Variants in SPAG8 observed in about 807,000 individuals in gnomAD.
SPAG8 encodes sperm-associated antigen 8.
Under a neutral mutation model 45.3 loss-of-function variants are expected in SPAG8, and 36 were observed. That is an observed-to-expected ratio of 0.80 (90% CI 0.61 to 1.05). SPAG8 has a LOEUF of 1.05. Among genes scored for constraint, SPAG8 ranks in the 50% least tolerant of loss-of-function variants. SPAG8 has a pLI of 0.00. For missense variants in SPAG8, 573 were observed against 609.2 expected (o/e 0.94, Z 0.63); for synonymous variants, 227 against 232.6 (o/e 0.98, Z 0.22).
At position 35,812,021 on chromosome 9, in the gene SPAG8, A is replaced by G; in HGVS notation, c.45-20T>C. On this transcript the variant is annotated intron_variant, in intron 1 of 6. Coordinates refer to ENST00000396638, the MANE Select transcript of SPAG8 (RefSeq NM_001039592.2). ...AAAGATCTGAAAGAAAGCAAACACG[A>G]CATGGCTGTCAAAAGCGCAGCAGAG... is the stretch of plus-strand genomic sequence containing the variant. 1 of 1,608,414 alleles carries G rather than the reference A, an allele frequency of 6.2e-7. No individual in the cohort carries two copies. Among genetic ancestry groups the G allele is most frequent in the East Asian group, 2.2e-5 (1 of 44,838 alleles).
Position 35,810,999 on chromosome 9 carries a change from A to G in SPAG8, c.923T>C (p.Phe308Ser). ...PSMQDGSESF[F>S]FRHGHRGLLT... ...CAGTCCCCGGTGTCCGTGTCGGAAG[A>G]AAAAACTCTCAGAGCCATCCTGCAT... Residue 308 changes from phenylalanine (F) to serine (S), a missense_variant, in exon 3 of 7, where the codon TTC becomes TCC. Coordinates refer to ENST00000396638, the MANE Select transcript of SPAG8 (RefSeq NM_001039592.2). The G allele has an allele frequency of 6.2e-7, 1 of 1,614,066 alleles. No homozygotes were observed. The highest frequency in any genetic ancestry group is 8.5e-7 in the Non-Finnish European group (1 of 1,180,016).
chr9:35,811,419 G>A lies in SPAG8; in HGVS notation c.627C>T (p.Leu209=). 6.2e-7 allele frequency: 1 copy of A among 1,614,198 alleles called. No homozygotes were observed. Among genetic ancestry groups the A allele is most frequent in the South Asian group, 1.1e-5 (1 of 91,084 alleles). ...TGAACCCTGGAGGAATACAGGGGCTGAGCTCAGAGTCAGGGCCAGTGTCTG... is the reference window on the plus strand; with the variant it reads ...TGAACCCTGGAGGAATACAGGGGCTAAGCTCAGAGTCAGGGCCAGTGTCTG... The part of the protein sequence containing the change: ...PGPDTGPDSE[L]SPCIPPGFRN... The change falls in exon 2 of 7, where the codon CTC becomes CTT. Residue 209 remains leucine (L), a synonymous_variant. Coordinates refer to ENST00000396638, the MANE Select transcript of SPAG8 (RefSeq NM_001039592.2).
intron 3 of SPAG8, 67 bp downstream of exon 3, chr9:35,810,816 G>T: frequency 6.3e-7 from 1 of 1,593,396 alleles, no homozygotes; most frequent in Non-Finnish European, 8.6e-7. Context: ...AGCCCCACCA[G>T]AAATTCCTTC....
Position 35,810,303 on chromosome 9 carries a change from C to A in SPAG8, c.1207G>T (p.Asp403Tyr). The A allele has an allele frequency of 6.2e-6, 10 of 1,614,138 alleles. No individual in the cohort carries two copies. The highest frequency in any genetic ancestry group is 8.5e-6 in the Non-Finnish European group (10 of 1,179,994). ...GTCTCAGGTTGCTCCTGGCGGTAGT[C>A]GTGAGGCTGTGAGGGAGGGTACTGA... is the stretch of plus-strand genomic sequence containing the variant. Reference protein sequence around the residue: ...AGTPAPTKPHDYRQEQPETFW... With the variant: ...AGTPAPTKPHYYRQEQPETFW... The change falls in exon 6 of 7, where the codon GAC (aspartate) becomes TAC (tyrosine). Residue 403 changes from aspartate (D) to tyrosine (Y), a missense_variant. Physicochemically the swap from Asp to Tyr is radical, Grantham distance 160 (BLOSUM62 -3). Transcript: ENST00000396638.
In SPAG8 at chr9:35,810,935, G is replaced by T; in HGVS notation, c.987C>A (p.Thr329=). The T allele has an allele frequency of 6.2e-7, 1 of 1,614,054 alleles. No individual in the cohort carries two copies. Among genetic ancestry groups the T allele is most frequent in the Non-Finnish European group, 8.5e-7 (1 of 1,179,996 alleles). The change falls in exon 3 of 7, where the codon ACC becomes ACA. Residue 329 remains threonine (T), a synonymous_variant. Transcript: ENST00000396638. The stretch of plus-strand genomic sequence containing the variant: ...GTGGCTGGTACGAGTCTTTCTGGGT[G>T]GTGCTGGAGGGCATGGGTGACTTTA... The part of the protein sequence containing the change: ...MQLKSPMPSS[T]TQKDSYQPPG...
chr9:35,808,092 T>G (rs1032242652), downstream of SPAG8: 7 of 1,041,438 alleles, frequency 6.7e-6, no homozygotes, highest in African/African-American at 1.1e-4. This position sits in a 1 kb window ranked among gnomAD's most constrained non-coding sequence, Gnocchi z 4.0. Context: ...TTTGGCACAA[T>G]TACCAAAATC....
downstream of SPAG8, chr9:35,808,258 A>G (rs1381870844): frequency 3.7e-6 from 6 of 1,614,036 alleles, no homozygotes; most frequent in Non-Finnish European, 5.1e-6. This position sits in a 1 kb window ranked among gnomAD's most constrained non-coding sequence, Gnocchi z 4.0. Flanking sequence ...CCTGCTGCAG[A>G]CAGGGTGTTC....
Position 35,811,858 on chromosome 9 carries a change from G to T in SPAG8, c.188C>A (p.Ala63Asp), listed in dbSNP as rs755888651. Residue 63 changes from alanine (A) to aspartate (D), a missense_variant, in exon 2 of 7, where the codon GCC becomes GAC. Transcript: ENST00000396638. ...TGCAGCTGCTTTGGCAGTGGTGAAG[G>T]CTGCAGTAGCTGCAGCAGCTGATGC... ...AAASAAAATA[A>D]FTTAKAAALS... The T allele has an allele frequency of 1.4e-5, 23 of 1,611,002 alleles. No individual in the cohort carries two copies. The highest frequency in any genetic ancestry group is 1.1e-4 in the South Asian group (10 of 91,056).
At position 35,811,872 on chromosome 9, in the gene SPAG8, A is replaced by AGCAGCTGATGCAGCCGCT. The variant is rs1278980799; in HGVS notation, c.156_173dup (p.Ala55_Ala60dup). ...CAGTGGTGAAGGCTGCAGTAGCTGC[A>AGCAGCTGATGCAGCCGCT]GCAGCTGATGCAGCCGCTGCAGCTG... On this transcript the variant is annotated inframe_insertion, in exon 2 of 7. Transcript: ENST00000396638. 6.2e-6 allele frequency: 10 copies of AGCAGCTGATGCAGCCGCT among 1,610,496 alleles called. No individual in the cohort carries two copies. Among genetic ancestry groups the AGCAGCTGATGCAGCCGCT allele is most frequent in the Non-Finnish European group, 8.5e-6 (10 of 1,177,538 alleles).
chr9:35,810,183 A>G (rs1314750799), intron 6 of SPAG8, 51 bp from the exon 7 acceptor site: 1 of 1,609,330 alleles, frequency 6.2e-7, no homozygotes, highest in Non-Finnish European at 8.5e-7. Context: ...AAGCCAGAAC[A>G]AAACAACTCT....
rs1429079865 is a variant in SPAG8, at chr9:35,810,120, T to C, written c.1276A>G (p.Ile426Val). ...CGGAATGGTGTGTCCAATGTCCTGA[T>C]GTTACTGACACCCTGGAGGAGTGCC... ...RAPQLPGVSN[I>V]RTLDTPFRKN... The change falls in exon 7 of 7, where the codon ATC (isoleucine) becomes GTC (valine). Residue 426 changes from isoleucine (I) to valine (V), a missense_variant. Transcript: ENST00000396638. The C allele has an allele frequency of 3.7e-6, 6 of 1,611,368 alleles. No homozygotes were observed. The highest frequency in any genetic ancestry group is 2.7e-5 in the African/African-American group (2 of 74,866).
downstream of SPAG8, chr9:35,808,241 T>C (rs762418745): frequency 6.2e-7 from 1 of 1,614,086 alleles, no homozygotes; most frequent in African/African-American, 1.3e-5. This position sits in a 1 kb window ranked among gnomAD's most constrained non-coding sequence, Gnocchi z 4.0. Flanking sequence ...AGCCTATTTG[T>C]CCATGTCCTG....
intron 1 of SPAG8, 43 bp from the exon 2 acceptor site, chr9:35,812,044 G>C (rs770285457): frequency 6.2e-7 from 1 of 1,609,716 alleles, no homozygotes. Flanking sequence ...AAGCGCAGCA[G>C]AGGAAGTCAG....
chr9:35,808,971 C>T (rs987444571), downstream of SPAG8: 85 of 936,664 alleles, frequency 9.1e-5, no homozygotes, highest in Non-Finnish European at 1.3e-4. This position sits in a 1 kb window ranked among gnomAD's most constrained non-coding sequence, Gnocchi z 4.0. Context: ...GTCGCATCCT[C>T]GGGCATATTT....
Position 35,810,539 on chromosome 9 carries a change from G to T in SPAG8, c.1100C>A (p.Ala367Glu). ...LQHQICKEVQ[A>E]EQEPTRKLFE... ...GAGCTTCCTTGTGGGTTCCTGTTCT[G>T]CCTGCACCTCTTTACTATGTAGCCC... The change falls in exon 5 of 7, where the codon GCA becomes GAA. Residue 367 changes from alanine to glutamate, a missense_variant. Physicochemically the swap from Ala to Glu is moderately radical, Grantham distance 107. Transcript: ENST00000396638. 6.2e-7 allele frequency: 1 copy of T among 1,614,110 alleles called. No homozygotes were observed. The highest frequency in any genetic ancestry group is 1.1e-5 in the South Asian group (1 of 91,076).
At chr9:35,809,712 TAAAA>T, downstream of SPAG8, 3 of 1,264,520 alleles carry the variant, frequency 2.4e-6, no homozygotes, top group Non-Finnish European at 3.4e-6. The surrounding 1 kb of genome is among the most constrained non-coding windows in gnomAD (Gnocchi z 4.1). Context: ...AAAACAATAA[TAAAA>T]AAAGTTCTGA....
At position 35,811,720 on chromosome 9, in the gene SPAG8, C is replaced by T. The variant is rs754323410; in HGVS notation, c.326G>A (p.Gly109Glu). 3 of 1,614,240 alleles carry T rather than the reference C, an allele frequency of 1.9e-6. No homozygotes were observed. The South Asian group carries it at 3.3e-5, about 18-fold the overall frequency. The part of the protein sequence containing the change: ...GPGFTHNIAH[G>E]SLGFEPVYVS... Reference sequence around the variant, plus strand: ...ATAGACGGGCTCAAAGCCAAGACTCCCATGGGCTATATTGTGGGTAAAGCC... The same window carrying T: ...ATAGACGGGCTCAAAGCCAAGACTCTCATGGGCTATATTGTGGGTAAAGCC... The change falls in exon 2 of 7, where the codon GGG becomes GAG. Residue 109 changes from glycine (G) to glutamate (E), a missense_variant. Coordinates refer to ENST00000396638, the MANE Select transcript of SPAG8 (RefSeq NM_001039592.2).
At position 35,811,871 on chromosome 9, in the gene SPAG8, C is replaced by T. The variant is rs1441417938; in HGVS notation, c.175G>A (p.Ala59Thr). 6.2e-7 allele frequency: 1 copy of T among 1,610,572 alleles called. No individual in the cohort carries two copies. The highest frequency in any genetic ancestry group is 8.5e-7 in the Non-Finnish European group (1 of 1,177,522). ...GCAGTGGTGAAGGCTGCAGTAGCTG[C>T]AGCAGCTGATGCAGCCGCTGCAGCT... ...AAAAAAASAA[A>T]ATAAFTTAKA... is the part of the protein sequence containing the mutation. The change falls in exon 2 of 7, where the codon GCA becomes ACA. Residue 59 changes from alanine (A) to threonine (T), a missense_variant. Coordinates refer to ENST00000396638, the MANE Select transcript of SPAG8 (RefSeq NM_001039592.2).
chr9:35,810,504 C>G lies in SPAG8; in HGVS notation c.1135G>C (p.Glu379Gln). ...QEPTRKLFEV[E>Q]SVTHHDYRME... ...CGGTAGTCATGGTGTGTCACAGACT[C>G]AACCTCGAAGAGCTTCCTTGTGGGT... The change falls in exon 5 of 7, where the codon GAG becomes CAG. Residue 379 changes from glutamate to glutamine, a missense_variant. By Grantham distance (29) the Glu-to-Gln change is conservative (BLOSUM62 2). Coordinates refer to ENST00000396638, the MANE Select transcript of SPAG8 (RefSeq NM_001039592.2). 1 of 1,614,222 alleles carries G rather than the reference C, an allele frequency of 6.2e-7. No homozygotes were observed. Among genetic ancestry groups the G allele is most frequent in the Non-Finnish European group, 8.5e-7 (1 of 1,180,054 alleles).
Sources: gnomAD v4.1 joint callset for allele counts on GRCh38, gnomAD v4.1.1 for gene constraint, Gnocchi (gnomAD v3.1) non-coding constraint, MANE v1.5 for transcripts, NCBI Gene and HGNC (gene_info 2026-07-23, HGNC 2026-07-21) for gene names.